The following FCHSD2 variants were observed in gnomAD, a reference collection of about 807,000 sequenced individuals.
The protein encoded by FCHSD2 is F-BAR and double SH3 domains protein 2.
FCHSD2 carries 38 observed loss-of-function variants against 108.1 expected under a neutral mutation model. The observed-to-expected ratio is 0.35, with a 90% CI of 0.27 to 0.46. FCHSD2 has a LOEUF of 0.46. Among genes scored for constraint, FCHSD2 ranks in the 20% least tolerant of loss-of-function variants. The pLI is 1.00. For missense variants in FCHSD2, 751 were observed against 897.8 expected, an observed-to-expected ratio of 0.84 and a Z score of 2.09; for synonymous variants, 279 against 314.7, an observed-to-expected ratio of 0.89 and a Z score of 1.20.
At chr11:73,037,769 T>C (rs770979630) in intron 3 of FCHSD2, among the ~76,000 whole-genome samples, 29 of 152,202 alleles carry the variant, frequency 1.9e-4, no homozygotes, top group Non-Finnish European at 2.6e-4. Context: ...ATTCTGAATA[T>C]AGGAGTCCTC....
intron 10 of FCHSD2, among the ~76,000 whole-genome samples, chr11:72,895,211 C>T (rs561724159): frequency 6.6e-5 from 10 of 152,188 alleles, no homozygotes; most frequent in African/African-American, 2.4e-4. Flanking sequence ...GTGGACTGAG[C>T]CTTGGGACAA....
chr11:73,074,747 TA>T (rs1379939811), intron 3 of FCHSD2, among the ~76,000 whole-genome samples: 5 of 152,090 alleles, frequency 3.3e-5, no homozygotes, highest in Non-Finnish European at 7.4e-5. Flanking sequence ...TTGGAACGTA[TA>T]AAGAGATAGT....
intron 2 of FCHSD2, among the ~76,000 whole-genome samples, chr11:73,112,029 A>G (rs947531602): frequency 6.6e-6 from 1 of 152,220 alleles, no homozygotes; most frequent in African/African-American, 2.4e-5. Context: ...TAACTTATAC[A>G]TCACAATTAC....
chr11:73,070,382 G>A (rs568775607), intron 3 of FCHSD2, among the ~76,000 whole-genome samples: 20 of 151,980 alleles, frequency 1.3e-4, no homozygotes, highest in Admixed American at 2.0e-4. Flanking sequence ...CTAGCATCAC[G>A]CCAGTCGTAA....
chr11:73,058,672 T>C (rs990466906), intron 3 of FCHSD2, among the ~76,000 whole-genome samples: 1 of 151,380 alleles, frequency 6.6e-6, no homozygotes, highest in Non-Finnish European at 1.5e-5. Flanking sequence ...CTCAGCTCAC[T>C]GCAACCTCTG....
rs1861270289 is a variant in FCHSD2, at chr11:73,142,209, CG to C, written c.-333del. 5.9e-6 allele frequency: 1 copy of C among 169,972 alleles called. No homozygotes were observed. Among genetic ancestry groups the C allele is most frequent in the African/African-American group, 2.4e-5 (1 of 41,602 alleles). 10.5% of individuals were successfully genotyped at this position (169,972 alleles called of 1,614,324 possible). On this transcript the variant is annotated 5_prime_UTR_variant, in exon 1 of 20. Transcript: ENST00000409418. ...GCGAGGGTCTCAGCCGGCCGGGCGG[CG>C]GGTTAGCCGCAGCCGCGTTGTCCGC...
At chr11:72,917,023 C>T (rs1210774420) in intron 9 of FCHSD2, among the ~76,000 whole-genome samples, 1 of 140,286 alleles carries the variant, frequency 7.1e-6, no homozygotes, top group East Asian at 2.1e-4. Flanking sequence ...GTTGCTCTGT[C>T]GCCCAGGCTG....
chr11:72,842,938 T>C, intron 16 of FCHSD2, 97 bp from the exon 17 acceptor site: 3 of 1,001,676 alleles, frequency 3.0e-6, no homozygotes, highest in East Asian at 2.5e-5. Context: ...AAGAGCATCA[T>C]ACAGAATAGG....
At chr11:73,051,842 C>T (rs532123067) in intron 3 of FCHSD2, among the ~76,000 whole-genome samples, 2 of 149,490 alleles carry the variant, frequency 1.3e-5, no homozygotes, top group South Asian at 2.1e-4. Flanking sequence ...ATATAATAGA[C>T]CTTCAGGATG....
chr11:72,897,113 G>A (rs946541014), intron 10 of FCHSD2, among the ~76,000 whole-genome samples: 8 of 152,094 alleles, frequency 5.3e-5, no homozygotes, highest in Non-Finnish European at 7.4e-5. Context: ...GATTACAGGC[G>A]TGAGCCACCA....
At chr11:73,028,280 C>T (rs1014300183) in intron 3 of FCHSD2, among the ~76,000 whole-genome samples, 4 of 152,232 alleles carry the variant, frequency 2.6e-5, no homozygotes, top group Admixed American at 1.3e-4. Context: ...TGGGAGCCCA[C>T]ATCTTGCAAC....
chr11:73,127,393 C>T (rs1446667027), intron 2 of FCHSD2, among the ~76,000 whole-genome samples: 1 of 152,140 alleles, frequency 6.6e-6, no homozygotes, highest in Non-Finnish European at 1.5e-5. Flanking sequence ...ATAAATTACT[C>T]CCGATCAACA....
At chr11:73,099,207 C>G (rs56316448) in intron 2 of FCHSD2, among the ~76,000 whole-genome samples, 3,310 of 152,142 alleles carry the variant, frequency 0.022, 77 homozygotes, top group African/African-American at 0.059. Context: ...GGAGCAAGAC[C>G]CTGCTTCCAA....
At chr11:73,082,785 T>C (rs1043113159) in intron 3 of FCHSD2, among the ~76,000 whole-genome samples, 6 of 152,106 alleles carry the variant, frequency 3.9e-5, no homozygotes, top group Admixed American at 2.6e-4. Context: ...TTTAGAATAC[T>C]CCCCCACATA....
At chr11:72,841,639 G>GCTGCTTCTCTGA in intron 17 of FCHSD2, 56 bp from the exon 18 acceptor site, 1 of 1,509,318 alleles carries the variant, frequency 6.6e-7, no homozygotes, top group Non-Finnish European at 8.9e-7. Flanking sequence ...GGAGAGCCTG[G>GCTGCTTCTCTGA]CTGCTTCTCT....
intron 3 of FCHSD2, among the ~76,000 whole-genome samples, chr11:73,032,516 A>G (rs1230259298): frequency 6.6e-6 from 1 of 151,992 alleles, no homozygotes; most frequent in African/African-American, 2.4e-5. Context: ...GTGAGCCACC[A>G]TGCTTGGCCT....
At chr11:72,991,499 AAAGCTTATCCACCATGATC>A (rs1857413841) in intron 5 of FCHSD2, among the ~76,000 whole-genome samples, 2 of 152,150 alleles carry the variant, frequency 1.3e-5, no homozygotes, top group Admixed American at 6.5e-5. Context: ...CAGCACACCA[AAAGCTTATCCACCATGATC>A]AAGTGGGCTT....
rs757495469 is a variant in FCHSD2, at chr11:72,838,837, C to T, written c.2177G>A (p.Arg726Gln). The change falls in exon 20 of 20, where the codon CGA becomes CAA. Residue 726 changes from arginine to glutamine, a missense_variant. Arg to Gln is a conservative substitution (Grantham distance 43). Coordinates refer to ENST00000409418, the MANE Select transcript of FCHSD2 (RefSeq NM_014824.3). ...AAPPPPTQNH[R>Q]RPAEKIEDVE... is the part of the protein sequence containing the mutation. Reference sequence around the variant, plus strand: ...ATCTTCAATCTTCTCTGCTGGCCTTCGGTGATTCTGTGTAGGTGGAGGGGG... The same window carrying T: ...ATCTTCAATCTTCTCTGCTGGCCTTTGGTGATTCTGTGTAGGTGGAGGGGG... The T allele has an allele frequency of 5.6e-6, 9 of 1,608,434 alleles. No homozygotes were observed. The highest frequency in any genetic ancestry group is 3.4e-5 in the Admixed American group (2 of 59,274).
chr11:73,026,600 T>G (rs1362812824), intron 3 of FCHSD2, among the ~76,000 whole-genome samples: 2 of 152,218 alleles, frequency 1.3e-5, no homozygotes, highest in Non-Finnish European at 2.9e-5. Context: ...TATATTCAAA[T>G]AGACTTAATT....
Sources: allele counts gnomAD v4.1 joint callset (sites outside exome capture counted in the v4.1 genomes callset), GRCh38; gene constraint gnomAD v4.1.1; transcripts MANE v1.5; gene names NCBI Gene and HGNC (gene_info 2026-07-23, HGNC 2026-07-21).